MYLK: variants seen among roughly 807,000 people sequenced by gnomAD.
The protein encoded by MYLK is myosin light chain kinase.
A neutral mutation model predicts 203.4 loss-of-function variants in MYLK; 106 were observed. The observed-to-expected ratio is 0.52, with a 90% confidence interval of 0.45 to 0.61. The LOEUF is 0.61. Ranked by LOEUF, MYLK falls within the 20% of genes least tolerant of loss-of-function variation. The pLI, the probability that MYLK is intolerant of heterozygous loss-of-function variation, is 0.00. For missense variants in MYLK, 2,072 were observed against 2,442.3 expected (o/e 0.85, Z 3.20); for synonymous variants, 867 against 959.5 (o/e 0.90, Z 1.78).
chr3:123,708,796 C>T lies in MYLK; in HGVS notation c.2042G>A (p.Cys681Tyr). ...FEQRGTQHSL[C>Y]IQEVFPEDTG... ...GTCCTCCGGGAACACTTCCTGGATA[C>T]AAAGGCTGTGCTGAGTTCCTCTCTG... The change falls in exon 15 of 34, where the codon TGT becomes TAT. Residue 681 changes from cysteine to tyrosine, a missense_variant. Physicochemically the swap from Cys to Tyr is radical, Grantham distance 194. Coordinates refer to ENST00000360304, the MANE Select transcript of MYLK (RefSeq NM_053025.4). The T allele has an allele frequency of 1.2e-6, 2 of 1,614,198 alleles. No individual in the cohort carries two copies. Among genetic ancestry groups the T allele is most frequent in the Non-Finnish European group, 1.7e-6 (2 of 1,180,038 alleles).
intron 18 of MYLK, among the ~76,000 whole-genome samples, chr3:123,695,671 T>A (rs2108544719): frequency 6.6e-6 from 1 of 152,284 alleles, no homozygotes; most frequent in Admixed American, 6.5e-5. Flanking sequence ...AGGATGAACT[T>A]ACATGGGTTT....
chr3:123,853,954 TA>T (rs2031106073), intron 2 of MYLK, among the ~76,000 whole-genome samples: 2 of 152,022 alleles, frequency 1.3e-5, no homozygotes, highest in South Asian at 4.1e-4. Context: ...AGCAGAGGCT[TA>T]AAAAGTTTTT....
intron 2 of MYLK, among the ~76,000 whole-genome samples, chr3:123,834,611 A>T (rs2066430314): frequency 6.6e-6 from 1 of 152,110 alleles, no homozygotes; most frequent in East Asian, 1.9e-4. Context: ...GGGATTATTG[A>T]CTGTCACAAC....
intron 4 of MYLK, among the ~76,000 whole-genome samples, chr3:123,767,146 G>A (rs1025825427): frequency 6.6e-6 from 1 of 152,164 alleles, no homozygotes; most frequent in Non-Finnish European, 1.5e-5. Context: ...TGTGATCCTC[G>A]GGGAGGAAGA....
chr3:123,830,537 G>T (rs2066288553), intron 3 of MYLK, among the ~76,000 whole-genome samples: 1 of 152,154 alleles, frequency 6.6e-6, no homozygotes, highest in Non-Finnish European at 1.5e-5. Flanking sequence ...AGCACCATGG[G>T]GGAAATTATC....
At chr3:123,733,223 C>T in intron 10 of MYLK, 121 bp from the exon 11 acceptor site, 1 of 1,099,746 alleles carries the variant, frequency 9.1e-7, no homozygotes, top group Non-Finnish European at 1.4e-6. Context: ...AGCTGCCCTC[C>T]CACCTCTGAG....
chr3:123,803,695 A>G (rs933587018), intron 3 of MYLK, among the ~76,000 whole-genome samples: 3 of 152,158 alleles, frequency 2.0e-5, no homozygotes, highest in African/African-American at 7.2e-5. Context: ...TATCCAACCA[A>G]AAAGACTTCT....
intron 4 of MYLK, among the ~76,000 whole-genome samples, chr3:123,778,544 A>G (rs558164244): frequency 4.0e-5 from 6 of 150,234 alleles, no homozygotes; most frequent in Admixed American, 1.3e-4. Flanking sequence ...TCACCAATCT[A>G]TAAGTCAGCA....
intron 19 of MYLK, among the ~76,000 whole-genome samples, chr3:123,688,185 C>T (rs1457739492): frequency 1.3e-5 from 2 of 152,042 alleles, no homozygotes; most frequent in African/African-American, 2.4e-5. Flanking sequence ...AGTGAATGGC[C>T]TCTGTGTGTG....
intron 13 of MYLK, among the ~76,000 whole-genome samples, chr3:123,717,327 A>G (rs555661665): frequency 1.2e-4 from 19 of 152,382 alleles, no homozygotes; most frequent in Non-Finnish European, 2.1e-4. Context: ...CGCTGACTTC[A>G]CTGATGCCTG....
chr3:123,722,398 C>T, intron 12 of MYLK, 118 bp from the exon 13 acceptor site: 1 of 1,143,464 alleles, frequency 8.7e-7, no homozygotes, highest in Non-Finnish European at 1.3e-6. Flanking sequence ...TTGCTCAGAT[C>T]CACTGAGGGC....
At chr3:123,649,141 G>T (rs201324596) in intron 25 of MYLK, 21 bp downstream of exon 25, 511 of 1,613,700 alleles carry the variant, frequency 3.2e-4, no homozygotes, top group Non-Finnish European at 4.2e-4. Flanking sequence ...AGCCTGACCC[G>T]AAGACAGGGG....
At chr3:123,825,822 C>T (rs886972247) in intron 3 of MYLK, among the ~76,000 whole-genome samples, 2 of 152,246 alleles carry the variant, frequency 1.3e-5, no homozygotes, top group Admixed American at 1.3e-4. Flanking sequence ...CCTGCCATTG[C>T]ACTTCCAGCC....
rs148126116 is a variant in MYLK at position 123,642,021 on chromosome 3, A to AT, written c.4620-1518dup. Among the ~76,000 whole-genome samples, 4 of 151,842 alleles carry AT rather than the reference A, an allele frequency of 2.6e-5. No individual in the cohort carries two copies. The highest frequency in any genetic ancestry group is 5.9e-5 in the Non-Finnish European group (4 of 67,972). ...AGGTATGTGCCACCGCACCTGGCTA[A>AT]TTTTTTTAATGTTTTGTAGAGACAG... On this transcript the variant is annotated intron_variant, in intron 27 of 33. Coordinates refer to ENST00000360304, the MANE Select transcript of MYLK (RefSeq NM_053025.4). The surrounding 1 kb of genome is among the most constrained non-coding windows in gnomAD (Gnocchi z 4.2).
At chr3:123,705,816 A>G (rs2061439833) in intron 16 of MYLK, among the ~76,000 whole-genome samples, 1 of 152,078 alleles carries the variant, frequency 6.6e-6, no homozygotes, top group Non-Finnish European at 1.5e-5. Flanking sequence ...TTCCATCAAA[A>G]TCCCCAAACA....
chr3:123,652,159 C>T (rs2059236646), intron 24 of MYLK, among the ~76,000 whole-genome samples: 1 of 152,052 alleles, frequency 6.6e-6, no homozygotes, highest in Admixed American at 6.5e-5. Flanking sequence ...TCTATTTGAC[C>T]ACAAGGGGAG....
At chr3:123,623,122 A>G (rs1042739680) in intron 31 of MYLK, 4 of 152,316 alleles carry the variant, frequency 2.6e-5, no homozygotes, top group African/African-American at 9.7e-5. Context: ...ACATACAGCA[A>G]GCTGGTTACC....
chr3:123,748,025 G>T (rs1275253476), intron 5 of MYLK, among the ~76,000 whole-genome samples: 1 of 152,104 alleles, frequency 6.6e-6, no homozygotes, highest in Admixed American at 6.6e-5. Flanking sequence ...CTGAGGCTTG[G>T]TAATTTACAT....
At chr3:123,743,877 T>C (rs2062935873) in intron 5 of MYLK, among the ~76,000 whole-genome samples, 1 of 152,250 alleles carries the variant, frequency 6.6e-6, no homozygotes, top group South Asian at 2.1e-4. Context: ...GGTGATATAA[T>C]TTATCATCCA....
Sources: gnomAD v4.1 joint callset for allele counts (sites outside exome capture counted in the v4.1 genomes callset) on GRCh38, gnomAD v4.1.1 for gene constraint, Gnocchi (gnomAD v3.1) non-coding constraint, MANE v1.5 for transcripts, NCBI Gene and HGNC (gene_info 2026-07-23, HGNC 2026-07-21) for gene names.